CSMD3: variants seen among roughly 807,000 people sequenced by gnomAD.
CSMD3 encodes CUB and sushi domain-containing protein 3.
CSMD3 carries 177 observed loss-of-function variants against 435.2 expected under a neutral mutation model. The observed-to-expected ratio is 0.41, with a 90% CI of 0.36 to 0.46. The LOEUF (loss-of-function observed/expected upper bound fraction) is 0.46. CSMD3 is among the 20% of genes least tolerant of loss of function. The pLI, the probability that CSMD3 is intolerant of heterozygous loss-of-function variation, is 0.34. For synonymous variants in CSMD3, 1,656 were observed against 1,520.5 expected (o/e 1.09, Z -2.07); for missense variants, 4,265 against 4,504.6 (o/e 0.95, Z 1.52).
At chr8:112,348,563 T>G (rs1299668938) in intron 40 of CSMD3, among the ~76,000 whole-genome samples, 1 of 152,042 alleles carries the variant, frequency 6.6e-6, no homozygotes, top group Non-Finnish European at 1.5e-5. Context: ...ACCAGCTTAT[T>G]GTTCAAAATT....
intron 13 of CSMD3, among the ~76,000 whole-genome samples, chr8:112,719,327 C>T (rs934038480): frequency 1.3e-5 from 2 of 152,048 alleles, no homozygotes; most frequent in Non-Finnish European, 2.9e-5. Context: ...CCCAAAAAGG[C>T]AAGGAAAGAA....
chr8:112,985,982 C>T (rs947654043), intron 6 of CSMD3, among the ~76,000 whole-genome samples: 19 of 152,038 alleles, frequency 1.2e-4, no homozygotes, highest in Non-Finnish European at 2.4e-4. Flanking sequence ...TCCCCACCCC[C>T]GATCTGTGGA....
At chr8:112,901,909 C>T (rs1343210888) in intron 10 of CSMD3, among the ~76,000 whole-genome samples, 2 of 151,230 alleles carry the variant, frequency 1.3e-5, no homozygotes, top group East Asian at 2.0e-4. Flanking sequence ...GTTAATGAGG[C>T]CTTGTAGGAA....
At chr8:112,549,700 A>G (rs1279452660) in intron 27 of CSMD3, among the ~76,000 whole-genome samples, 1 of 152,032 alleles carries the variant, frequency 6.6e-6, no homozygotes, top group African/African-American at 2.4e-5. Context: ...TATCTACTCA[A>G]TACCAAATAC....
chr8:112,558,148 T>C (rs1055073669), intron 24 of CSMD3, among the ~76,000 whole-genome samples: 6 of 151,860 alleles, frequency 4.0e-5, no homozygotes, highest in African/African-American at 1.4e-4. Context: ...CTCTCTGCCC[T>C]TCTTCTGCCC....
At chr8:113,094,840 G>C (rs1291700441) in intron 5 of CSMD3, among the ~76,000 whole-genome samples, 2 of 152,090 alleles carry the variant, frequency 1.3e-5, no homozygotes, top group African/African-American at 4.8e-5. Flanking sequence ...GGGAGGCCGA[G>C]GACGGTAGAT....
At chr8:112,421,074 T>A (rs1175498372) in intron 32 of CSMD3, among the ~76,000 whole-genome samples, 1 of 152,116 alleles carries the variant, frequency 6.6e-6, no homozygotes, top group East Asian at 1.9e-4. Context: ...GTACACCATA[T>A]GTCAACATTT....
intron 32 of CSMD3, among the ~76,000 whole-genome samples, chr8:112,421,530 G>A (rs1812495769): frequency 7.0e-6 from 1 of 143,430 alleles, no homozygotes; most frequent in Non-Finnish European, 1.5e-5. Context: ...GGTGATAGAG[G>A]AGGACCCCCT....
chr8:112,395,823 T>A (rs750343957), intron 35 of CSMD3, among the ~76,000 whole-genome samples: 7 of 152,166 alleles, frequency 4.6e-5, no homozygotes, highest in Non-Finnish European at 7.4e-5. Flanking sequence ...AGGTCAAATT[T>A]GGAAGATAAA....
intron 50 of CSMD3, among the ~76,000 whole-genome samples, chr8:112,306,833 T>C (rs1754331156): frequency 6.6e-6 from 1 of 152,170 alleles, no homozygotes; most frequent in Non-Finnish European, 1.5e-5. Context: ...CTTAGATGTC[T>C]TGATTTTTAT....
chr8:113,002,876 G>A (rs985546004), intron 6 of CSMD3, among the ~76,000 whole-genome samples: 1 of 151,988 alleles, frequency 6.6e-6, no homozygotes, highest in Non-Finnish European at 1.5e-5. Context: ...ATAAATATAT[G>A]AGTTTATAAA....
chr8:113,117,799 T>G (rs2090879680), intron 4 of CSMD3, among the ~76,000 whole-genome samples: 2 of 152,222 alleles, frequency 1.3e-5, no homozygotes, highest in South Asian at 4.1e-4. Flanking sequence ...TCCTGGAGCT[T>G]TAAAATTTGA....
intron 9 of CSMD3, among the ~76,000 whole-genome samples, chr8:112,925,923 C>T (rs909611807): frequency 6.6e-6 from 1 of 152,156 alleles, no homozygotes; most frequent in Admixed American, 6.5e-5. Context: ...GCCAAGATGG[C>T]AAATATTTCT....
At chr8:112,424,312 G>T (rs1812827872) in intron 32 of CSMD3, among the ~76,000 whole-genome samples, 1 of 152,076 alleles carries the variant, frequency 6.6e-6, no homozygotes, top group East Asian at 1.9e-4. Flanking sequence ...AAGGCAAGAA[G>T]AATTAATAGT....
At chr8:113,000,678 G>A (rs2085828668) in intron 6 of CSMD3, among the ~76,000 whole-genome samples, 1 of 152,008 alleles carries the variant, frequency 6.6e-6, no homozygotes, top group Non-Finnish European at 1.5e-5. Context: ...TGGTTCTTGA[G>A]TTCTCAGTGC....
rs757968932 is a variant in CSMD3 at position 112,800,191 on chromosome 8, C to G, written c.1943G>C (p.Gly648Ala). 1 of 1,612,130 alleles carries G rather than the reference C, an allele frequency of 6.2e-7. No individual in the cohort carries two copies. The highest frequency in any genetic ancestry group is 1.1e-5 in the South Asian group (1 of 91,052). ...GTAGTTAACCTTGAAACCAACAGAT[C>G]CAACACTTTCGTCCGTTTGAAGGTG... ...WLHLQTDESV[G>A]SVGFKVNYKE... The change falls in exon 13 of 71, where the codon GGA becomes GCA. Residue 648 changes from glycine to alanine, a missense_variant. This residue lies in a region of CSMD3 where 279 missense variants were observed against 369.0 expected (regional missense o/e 0.76). Transcript: ENST00000297405.
At chr8:113,410,890 C>CAAA (rs1335664806) in intron 1 of CSMD3, among the ~76,000 whole-genome samples, 1 of 75,628 alleles carries the variant, frequency 1.3e-5, no homozygotes, top group East Asian at 3.8e-4. Context: ...TGTGACAGAG[C>CAAA]AAAACCCTGT....
chr8:113,275,681 A>G (rs955729846), intron 3 of CSMD3, among the ~76,000 whole-genome samples: 1 of 151,980 alleles, frequency 6.6e-6, no homozygotes, highest in Non-Finnish European at 1.5e-5. Flanking sequence ...ACACATTAGG[A>G]TTAGCTTGAA....
In CSMD3 at chr8:112,576,955, G is replaced by A. The variant is rs576089710; in HGVS notation, c.3886-3298C>T. ...TTTCAGGAAAGAAAAATTATTTTAA[G>A]TACAGCTGGGTGAATATAATTCAGT... On this transcript the variant is annotated intron_variant, in intron 23 of 70. Coordinates refer to ENST00000297405, the MANE Select transcript of CSMD3 (RefSeq NM_198123.2). Among the ~76,000 whole-genome samples the A allele has an allele frequency of 6.6e-5, 10 of 151,998 alleles. No individual in the cohort carries two copies. The East Asian group carries it at 1.4e-3, about 21-fold the overall frequency.
Sources: allele counts gnomAD v4.1 joint callset (sites outside exome capture counted in the v4.1 genomes callset), GRCh38; gene constraint gnomAD v4.1.1; regional missense constraint gnomAD v4.1.1; transcripts MANE v1.5; gene names NCBI Gene and HGNC (gene_info 2026-07-23, HGNC 2026-07-21).